The following YTHDC2 variants were observed in gnomAD, a reference collection of about 807,000 sequenced individuals.
YTHDC2 encodes 3'-5' RNA helicase YTHDC2.
YTHDC2 carries 45 observed loss-of-function variants against 174.9 expected under a neutral mutation model. The ratio of observed to expected loss-of-function variants is 0.26; its 90% CI spans 0.20 to 0.33. YTHDC2 has a LOEUF of 0.33. Ranked by LOEUF, YTHDC2 falls within the 10% of genes least tolerant of loss-of-function variation. The pLI is 1.00. For missense variants in YTHDC2, 1,650 were observed against 1,723.7 expected (o/e 0.96, Z 0.76); for synonymous variants, 657 against 574.5 (o/e 1.14, Z -2.05).
chr5:113,566,272 A>G (rs1777320465), intron 21 of YTHDC2, among the ~76,000 whole-genome samples: 1 of 152,188 alleles, frequency 6.6e-6, no homozygotes, highest in Non-Finnish European at 1.5e-5. Flanking sequence ...ACTGTTGGCA[A>G]TGAACAATTT....
At chr5:113,589,023 C>T (rs1018642125) in intron 26 of YTHDC2, among the ~76,000 whole-genome samples, 2 of 152,072 alleles carry the variant, frequency 1.3e-5, no homozygotes, top group African/African-American at 4.8e-5. Flanking sequence ...TTTTACTTTA[C>T]ATAGTCAGTT....
chr5:113,556,330 C>T (rs543053097), intron 17 of YTHDC2, 196 bp downstream of exon 17: 1 of 384,578 alleles, frequency 2.6e-6, no homozygotes, highest in Non-Finnish European at 4.7e-6. Context: ...AAATTAAAAA[C>T]TTTTGCCTAG....
intron 23 of YTHDC2, among the ~76,000 whole-genome samples, chr5:113,574,552 G>C (rs1777921088): frequency 6.6e-6 from 1 of 152,182 alleles, no homozygotes; most frequent in African/African-American, 2.4e-5. Context: ...TCAGGCTGGA[G>C]TGGCTGAGTC....
intron 7 of YTHDC2, among the ~76,000 whole-genome samples, chr5:113,538,094 T>G (rs143700166): frequency 1.1e-4 from 16 of 152,328 alleles, no homozygotes; most frequent in African/African-American, 3.6e-4. Context: ...ACACTTTATT[T>G]TTTTTCCATA....
intron 1 of YTHDC2, chr5:113,514,405 T>TCAGATATTGGTTAGCC (rs1175655782): frequency 2.6e-5 from 14 of 544,282 alleles, no homozygotes; most frequent in Non-Finnish European, 3.8e-5. Context: ...TAACCCTTTT[T>TCAGATATTGGTTAGCC]AAGGGGGTGT....
intron 23 of YTHDC2, among the ~76,000 whole-genome samples, chr5:113,576,686 C>G (rs1240609885): frequency 6.6e-6 from 1 of 151,812 alleles, no homozygotes; most frequent in Non-Finnish European, 1.5e-5. Context: ...CTTTATATTG[C>G]CCTTTAGTTG....
rs10079758 is a variant in YTHDC2 at position 113,553,911 on chromosome 5, T to A, written c.2053-31T>A. The A allele has an allele frequency of 0.21, 337,912 of 1,582,220 alleles. 43,589 individuals are homozygous for A. The highest frequency in any genetic ancestry group is 0.56 in the African/African-American group (40,986 of 72,722). On this transcript the variant is annotated intron_variant, in intron 15 of 29. Coordinates refer to ENST00000161863, the MANE Select transcript of YTHDC2 (RefSeq NM_022828.5). ...TTCATTAGTTATTTTTTCTGTTTTT[T>A]TATTAACTTTAAAGTAATATCTTGT...
At chr5:113,544,502 A>G (rs917514695) in intron 10 of YTHDC2, among the ~76,000 whole-genome samples, 2 of 152,144 alleles carry the variant, frequency 1.3e-5, no homozygotes, top group Non-Finnish European at 2.9e-5. Flanking sequence ...CTGTTGGAAC[A>G]TGTTTAGTGA....
chr5:113,576,109 T>C (rs1778030649), intron 23 of YTHDC2, among the ~76,000 whole-genome samples: 1 of 152,138 alleles, frequency 6.6e-6, no homozygotes. Context: ...AGTAAATTTT[T>C]TTTTAGGAAG....
chr5:113,565,870 A>T (rs201417311), intron 20 of YTHDC2, 23 bp from the exon 21 acceptor site: 4 of 1,606,638 alleles, frequency 2.5e-6, no homozygotes, highest in East Asian at 4.5e-5. Flanking sequence ...GTGTCTTGTT[A>T]TGCAATTATT....
chr5:113,570,660 C>CT (rs1328536776), intron 23 of YTHDC2, among the ~76,000 whole-genome samples: 1 of 151,888 alleles, frequency 6.6e-6, no homozygotes, highest in African/African-American at 2.4e-5. Flanking sequence ...CTCTTTATTT[C>CT]TTTATTTTGA....
At chr5:113,519,670 T>A (rs576008478) in intron 2 of YTHDC2, among the ~76,000 whole-genome samples, 1 of 152,298 alleles carries the variant, frequency 6.6e-6, no homozygotes, top group African/African-American at 2.4e-5. Context: ...AATCAAGATA[T>A]CGGCAGGGCT....
At chr5:113,541,264 T>C in intron 9 of YTHDC2, 148 bp downstream of exon 9, 1 of 881,170 alleles carries the variant, frequency 1.1e-6, no homozygotes, top group Non-Finnish European at 1.7e-6. Flanking sequence ...TGATCTCGGC[T>C]CACTGCAAGC....
At chr5:113,563,135 A>G (rs1580593415) in intron 18 of YTHDC2, among the ~76,000 whole-genome samples, 1 of 151,982 alleles carries the variant, frequency 6.6e-6, no homozygotes, top group South Asian at 2.1e-4. Context: ...GATGTTGCCA[A>G]TGGGAGCAAT....
intron 2 of YTHDC2, among the ~76,000 whole-genome samples, chr5:113,524,143 T>C (rs1774058711): frequency 6.6e-6 from 1 of 152,158 alleles, no homozygotes; most frequent in Non-Finnish European, 1.5e-5. Context: ...TAGTAAGTGG[T>C]AGAAGTGGGA....
At chr5:113,541,624 T>A (rs1022303042) in intron 9 of YTHDC2, among the ~76,000 whole-genome samples, 8 of 152,196 alleles carry the variant, frequency 5.3e-5, no homozygotes, top group Non-Finnish European at 1.2e-4. Context: ...TGTGATAGTA[T>A]GTAATGCAGA....
chr5:113,578,089 G>A (rs140626546), intron 23 of YTHDC2, among the ~76,000 whole-genome samples: 2 of 151,986 alleles, frequency 1.3e-5, no homozygotes, highest in Non-Finnish European at 2.9e-5. Flanking sequence ...AATTTTAAAG[G>A]TTCAAATTCT....
chr5:113,553,685 A>G lies in YTHDC2; in HGVS notation c.1963A>G (p.Arg655Gly), dbSNP rs1776416747. The G allele has an allele frequency of 1.2e-6, 2 of 1,613,354 alleles. No homozygotes were observed. Among genetic ancestry groups the G allele is most frequent in the Admixed American group, 3.3e-5 (2 of 59,940 alleles). Residue 655 changes from arginine to glycine, a missense_variant and splice_region_variant, in exon 14 of 30, where the codon AGA becomes GGA. Arg to Gly is a moderately radical substitution (Grantham distance 125, BLOSUM62 -2). Coordinates refer to ENST00000161863, the MANE Select transcript of YTHDC2 (RefSeq NM_022828.5). ...CAAGCGGTTTGCTGACAGTACACAT[A>G]GGTAAGGGCTAAAGCCTTATATCTG... ...DDKRFADSTH[R>G]YQVFMLHSNM...
At chr5:113,549,723 C>G (rs548017146) in intron 12 of YTHDC2, among the ~76,000 whole-genome samples, 34 of 152,038 alleles carry the variant, frequency 2.2e-4, no homozygotes, top group African/African-American at 8.0e-4. Context: ...TTAACCTGTT[C>G]TACGTATTCT....
Sources: allele counts gnomAD v4.1 joint callset (sites outside exome capture counted in the v4.1 genomes callset), GRCh38; gene constraint gnomAD v4.1.1; transcripts MANE v1.5; gene names NCBI Gene and HGNC (gene_info 2026-07-23, HGNC 2026-07-21).